The following CALN1 variants were observed in gnomAD, a reference collection of about 807,000 sequenced individuals.
The protein encoded by CALN1 is calcium-binding protein 8.
CALN1 carries 17 observed loss-of-function variants against 30.6 expected under a neutral mutation model. The observed-to-expected ratio is 0.56, with a 90% CI of 0.38 to 0.83. The LOEUF is 0.83. Ranked by LOEUF, CALN1 falls within the 40% of genes least tolerant of loss-of-function variation. CALN1 has a pLI of 0.00. For synonymous variants in CALN1, 156 were observed against 131.4 expected (o/e 1.19, Z -1.28); for missense variants, 291 against 354.9 (o/e 0.82, Z 1.45).
chr7:71,951,550 C>T lies in CALN1; in HGVS notation c.501+72107G>A, dbSNP rs1185754406. ...AGGTTGCAGTGAGTCGAGATCATGC[C>T]ACTGCATTCCAGCCTGGGCAACAGA... On this transcript the variant is annotated intron_variant, in intron 5 of 6. Transcript: ENST00000395275. Among the ~76,000 whole-genome samples the T allele has an allele frequency of 2.6e-5, 4 of 152,182 alleles. No homozygotes were observed. The East Asian group carries it at 7.7e-4, about 29-fold the overall frequency.
intron 2 of CALN1, among the ~76,000 whole-genome samples, chr7:72,292,820 CAA>C (rs57352664): frequency 1.9e-4 from 22 of 112,838 alleles, no homozygotes; most frequent in Non-Finnish European, 2.9e-4. Flanking sequence ...TACTCTGTCT[CAA>C]AAAAAAAAAA....
chr7:72,181,110 C>CA (rs35789886), intron 3 of CALN1, among the ~76,000 whole-genome samples: 348 of 28,268 alleles, frequency 0.012, 1 homozygote, highest in Non-Finnish European at 0.026. Flanking sequence ...CCCCCCCCCC[C>CA]AAAAAAAAAA....
intron 3 of CALN1, among the ~76,000 whole-genome samples, chr7:72,213,448 G>A (rs769861355): frequency 3.3e-5 from 5 of 152,172 alleles, no homozygotes; most frequent in East Asian, 1.9e-4. Flanking sequence ...GAGTGAGAAC[G>A]GGAAATGACT....
chr7:72,389,690 C>T (rs988332686), intron 2 of CALN1, among the ~76,000 whole-genome samples: 2 of 152,168 alleles, frequency 1.3e-5, no homozygotes, highest in Non-Finnish European at 2.9e-5. Context: ...GAGGCTGAGG[C>T]AAGTGGATCA....
chr7:71,886,026 G>A (rs958138230), intron 5 of CALN1, among the ~76,000 whole-genome samples: 1 of 152,230 alleles, frequency 6.6e-6, no homozygotes, highest in East Asian at 1.9e-4. Context: ...GTGAATGGCA[G>A]AAGAAAGTTA....
intron 5 of CALN1, among the ~76,000 whole-genome samples, chr7:72,016,261 A>C (rs538641939): frequency 4.0e-5 from 6 of 151,734 alleles, no homozygotes; most frequent in Middle Eastern, 3.4e-3. Flanking sequence ...AAAAAAAAAA[A>C]AAAAAAGTCA....
At chr7:72,355,745 G>C (rs1305688392) in intron 2 of CALN1, among the ~76,000 whole-genome samples, 1 of 152,136 alleles carries the variant, frequency 6.6e-6, no homozygotes, top group Non-Finnish European at 1.5e-5. Context: ...ACAATCTGTA[G>C]TGACAGAAAT....
intron 5 of CALN1, among the ~76,000 whole-genome samples, chr7:71,938,911 A>C (rs964659036): frequency 6.6e-6 from 1 of 152,104 alleles, no homozygotes; most frequent in Admixed American, 6.5e-5. Context: ...GAGACGGACA[A>C]ACATCTGCAC....
At chr7:72,156,523 G>T (rs1162187694) in intron 3 of CALN1, among the ~76,000 whole-genome samples, 1 of 152,170 alleles carries the variant, frequency 6.6e-6, no homozygotes, top group East Asian at 1.9e-4. Context: ...CTGGAGGCAA[G>T]ACTCCATCAC....
At chr7:72,063,853 C>T (rs1012064464) in intron 4 of CALN1, among the ~76,000 whole-genome samples, 2 of 152,162 alleles carry the variant, frequency 1.3e-5, no homozygotes, top group Admixed American at 6.5e-5. Context: ...TCCACACCCC[C>T]ACCCCCAAAA....
rs113467051 is a variant in CALN1 at position 71,955,207 on chromosome 7, C to T, written c.501+68450G>A. 2.3e-3 allele frequency among the ~76,000 whole-genome samples: 357 copies of T among 152,182 alleles called. 1 individual carries two copies. Among genetic ancestry groups the T allele is most frequent in the African/African-American group, 8.5e-3 (351 of 41,520 alleles). On this transcript the variant is annotated intron_variant, in intron 5 of 6. Transcript: ENST00000395275. ...CGAAACGGAAAACCCCTGATAAAAC[C>T]ATCAGATCTCGTGAGACGTATTCAC...
chr7:72,362,850 A>C (rs1803650193), intron 2 of CALN1, among the ~76,000 whole-genome samples: 1 of 152,122 alleles, frequency 6.6e-6, no homozygotes, highest in East Asian at 1.9e-4. Flanking sequence ...GTCTGCCCCG[A>C]GCAGCTCATA....
intron 5 of CALN1, among the ~76,000 whole-genome samples, chr7:71,862,612 G>C (rs926043438): frequency 6.6e-6 from 1 of 152,114 alleles, no homozygotes; most frequent in African/African-American, 2.4e-5. Context: ...TTTATTAGCA[G>C]CATGAGAACA....
chr7:72,219,802 T>C (rs1304612958), intron 3 of CALN1, among the ~76,000 whole-genome samples: 2 of 151,974 alleles, frequency 1.3e-5, no homozygotes, highest in Non-Finnish European at 2.9e-5. Context: ...CCTATGCAAA[T>C]AGGAGACATT....
intron 2 of CALN1, chr7:72,337,882 G>A (rs573973544): frequency 6.6e-6 from 1 of 152,526 alleles, no homozygotes; most frequent in African/African-American, 2.4e-5. Context: ...CTTGGGCAGA[G>A]GTGTGAGCTA....
intron 5 of CALN1, among the ~76,000 whole-genome samples, chr7:71,946,966 C>G (rs1347963589): frequency 6.6e-6 from 1 of 152,062 alleles, no homozygotes; most frequent in Non-Finnish European, 1.5e-5. Flanking sequence ...AGGCATGAAC[C>G]ACCATGCAGA....
Position 71,960,618 on chromosome 7 carries a change from A to C in CALN1, c.501+63039T>G, listed in dbSNP as rs574231839. On this transcript the variant is annotated intron_variant, in intron 5 of 6. Coordinates refer to ENST00000395275, the MANE Select transcript of CALN1 (RefSeq NM_031468.4). ...TTGATTCCATATCTTTGCTATTGTG[A>C]ATAGTGCTGCAACAAACATACCAGT... Among the ~76,000 whole-genome samples the C allele has an allele frequency of 2.7e-3, 410 of 152,234 alleles. 3 individuals are homozygous for C. Among genetic ancestry groups the C allele is most frequent in the Middle Eastern group, 0.01 (3 of 294 alleles).
At chr7:72,165,088 T>A (rs1483888306) in intron 3 of CALN1, among the ~76,000 whole-genome samples, 2 of 152,186 alleles carry the variant, frequency 1.3e-5, no homozygotes, top group African/African-American at 4.8e-5. Context: ...TGTTTCTAAA[T>A]TGTAAATTTT....
At chr7:72,253,346 G>C (rs111537882) in intron 3 of CALN1, among the ~76,000 whole-genome samples, 3 of 152,290 alleles carry the variant, frequency 2.0e-5, no homozygotes, top group African/African-American at 4.8e-5. Context: ...TCTTCTGTGA[G>C]TCAAGGTGTG....
Sources: allele counts gnomAD v4.1 joint callset (sites outside exome capture counted in the v4.1 genomes callset), GRCh38; gene constraint gnomAD v4.1.1; transcripts MANE v1.5; gene names NCBI Gene and HGNC (gene_info 2026-07-23, HGNC 2026-07-21).